GADD45GIP1: variants seen among roughly 807,000 people sequenced by gnomAD.
GADD45GIP1 encodes the protein GADD45G interacting protein 1.
GADD45GIP1 carries 17 observed loss-of-function variants against 22.1 expected under a neutral mutation model. That is an observed-to-expected ratio of 0.77 (90% CI 0.53 to 1.15). The LOEUF is 1.15. GADD45GIP1 is among the 50% of genes most tolerant of loss of function. GADD45GIP1 has a pLI of 0.00. For synonymous variants in GADD45GIP1, 135 were observed against 138.4 expected (o/e 0.98, Z 0.17); for missense variants, 294 against 314.0 (o/e 0.94, Z 0.48).
At chr19:12,955,997 C>T (rs1971919862) in intron 1 of GADD45GIP1, among the ~76,000 whole-genome samples, 1 of 152,210 alleles carries the variant, frequency 6.6e-6, no homozygotes, top group Non-Finnish European at 1.5e-5. Context: ...CCTGGCTGTT[C>T]TTTAAGGCAT....
Position 12,957,168 on chromosome 19 carries a change from C to T in GADD45GIP1, c.45G>A (p.Ala15=). 1.4e-6 allele frequency: 2 copies of T among 1,421,746 alleles called. No individual in the cohort carries two copies. The highest frequency in any genetic ancestry group is 3.1e-5 in the South Asian group (2 of 64,574). 88.1% of individuals were successfully genotyped at this position (1,421,746 alleles called of 1,614,324 possible). A position where few individuals can be genotyped will look rare whatever the true frequency, so the allele number is the denominator to read the frequency against. The part of the protein sequence containing the change: ...VRQARSLLGV[A]ATLAPGSRGY... Reference sequence around the variant, plus strand: ...CACGGGAACCCGGGGCCAGGGTCGCCGCCACACCTAGTAGGCTGCGTGCCT... The same window carrying T: ...CACGGGAACCCGGGGCCAGGGTCGCTGCCACACCTAGTAGGCTGCGTGCCT... The change falls in exon 1 of 2, where the codon GCG becomes GCA. Residue 15 remains alanine, a synonymous_variant. Coordinates refer to ENST00000316939, the MANE Select transcript of GADD45GIP1 (RefSeq NM_052850.4).
Sources: gnomAD v4.1 joint callset for allele counts (sites outside exome capture counted in the v4.1 genomes callset) on GRCh38, gnomAD v4.1.1 for gene constraint, MANE v1.5 for transcripts, NCBI Gene and HGNC (gene_info 2026-07-23, HGNC 2026-07-21) for gene names.